TENM4: variants seen among roughly 807,000 people sequenced by gnomAD.
The protein encoded by TENM4 is teneurin-4.
In TENM4, 82 loss-of-function variants were observed where a neutral mutation model predicts 243.3. The ratio of observed to expected loss-of-function variants is 0.34; its 90% CI spans 0.28 to 0.40. The LOEUF is 0.40. Ranked by LOEUF, TENM4 falls within the 10% of genes least tolerant of loss-of-function variation. The pLI is 1.00. For missense variants in TENM4, 3,138 were observed against 3,673.3 expected, an observed-to-expected ratio of 0.85 and a Z score of 3.77; for synonymous variants, 1,412 against 1,456.3, an observed-to-expected ratio of 0.97 and a Z score of 0.69.
intron 6 of TENM4, among the ~76,000 whole-genome samples, chr11:79,062,856 G>A (rs770546381): frequency 3.9e-5 from 6 of 152,146 alleles, no homozygotes; most frequent in Admixed American, 6.5e-5. Flanking sequence ...AGTTCAGTGC[G>A]TGGTCGGGGT....
intron 6 of TENM4, among the ~76,000 whole-genome samples, chr11:79,047,779 G>A (rs1310006987): frequency 1.3e-5 from 2 of 152,098 alleles, no homozygotes; most frequent in East Asian, 3.9e-4. Context: ...TAATTTGTTT[G>A]AGCCCCTATT....
chr11:78,760,073 G>A (rs1856396603), intron 18 of TENM4, among the ~76,000 whole-genome samples: 1 of 152,076 alleles, frequency 6.6e-6, no homozygotes, highest in Non-Finnish European at 1.5e-5. Flanking sequence ...TCCGTCCCCT[G>A]ACCCCCATAC....
At chr11:79,321,507 G>T (rs1019705464) in intron 1 of TENM4, among the ~76,000 whole-genome samples, 1 of 152,188 alleles carries the variant, frequency 6.6e-6, no homozygotes, top group African/African-American at 2.4e-5. Context: ...CACAGGAAAG[G>T]GGGAGGGGGC....
intron 12 of TENM4, among the ~76,000 whole-genome samples, chr11:78,821,264 A>T (rs933342346): frequency 6.6e-6 from 1 of 152,252 alleles, no homozygotes; most frequent in Non-Finnish European, 1.5e-5. Flanking sequence ...TTTACCAATA[A>T]GACTGTGAAC....
Position 78,658,023 on chromosome 11 carries a change from A to G in TENM4, c.*35T>C, listed in dbSNP as rs1857936666. On this transcript the variant is annotated 3_prime_UTR_variant, in exon 34 of 34. Coordinates refer to ENST00000278550, the MANE Select transcript of TENM4 (RefSeq NM_001098816.3). Reference sequence around the variant, plus strand: ...GTCAGGTATGCGGCCACAAAAGAGTAGCTGTCTTTGGCAAGAAGTCCTTGG... The same window carrying G: ...GTCAGGTATGCGGCCACAAAAGAGTGGCTGTCTTTGGCAAGAAGTCCTTGG... The G allele has an allele frequency of 6.2e-7, 1 of 1,614,020 alleles. No individual in the cohort carries two copies. Among genetic ancestry groups the G allele is most frequent in the African/African-American group, 1.3e-5 (1 of 75,064 alleles).
chr11:78,774,025 T>C (rs1856694060), intron 17 of TENM4, among the ~76,000 whole-genome samples: 1 of 152,238 alleles, frequency 6.6e-6, no homozygotes, highest in South Asian at 2.1e-4. Context: ...GTTCAAATCC[T>C]AGCACCATCA....
intron 1 of TENM4, among the ~76,000 whole-genome samples, chr11:79,330,910 C>T (rs561503401): frequency 2.0e-5 from 3 of 152,154 alleles, no homozygotes; most frequent in Admixed American, 6.5e-5. Context: ...AACAGAGACA[C>T]GTGGGGTCAT....
chr11:79,326,597 C>T (rs377296766), intron 1 of TENM4, among the ~76,000 whole-genome samples: 5 of 152,198 alleles, frequency 3.3e-5, no homozygotes, highest in African/African-American at 1.2e-4. Context: ...TCCTGCTCAC[C>T]ACCAGATTCA....
chr11:79,411,565 T>C (rs766119642), intron 1 of TENM4, among the ~76,000 whole-genome samples: 4 of 152,136 alleles, frequency 2.6e-5, no homozygotes, highest in Admixed American at 2.0e-4. Flanking sequence ...CCTTCCTCTC[T>C]TCCCCCTTGT....
At chr11:78,857,892 CA>C (rs1325008165) in intron 10 of TENM4, among the ~76,000 whole-genome samples, 1 of 152,184 alleles carries the variant, frequency 6.6e-6, no homozygotes, top group Non-Finnish European at 1.5e-5. Flanking sequence ...AGTCTGCCAT[CA>C]GCTTTTAATT....
chr11:78,671,776 G>C (rs1858331522), intron 31 of TENM4, among the ~76,000 whole-genome samples: 1 of 152,198 alleles, frequency 6.6e-6, no homozygotes, highest in Non-Finnish European at 1.5e-5. Flanking sequence ...TGCAAATCCA[G>C]TGAGTATTTG....
chr11:78,810,852 C>T (rs1857483694), intron 14 of TENM4, among the ~76,000 whole-genome samples: 1 of 152,170 alleles, frequency 6.6e-6, no homozygotes, highest in Admixed American at 6.5e-5. Flanking sequence ...GAGCCTCTTC[C>T]ACCCACTGGG....
At chr11:78,792,734 C>T (rs555012912) in intron 15 of TENM4, among the ~76,000 whole-genome samples, 1 of 152,274 alleles carries the variant, frequency 6.6e-6, no homozygotes, top group South Asian at 2.1e-4. Context: ...TATCTCAGTG[C>T]CACGTTGTAC....
chr11:78,701,565 G>C lies in TENM4; in HGVS notation c.5048C>G (p.Ala1683Gly). The change falls in exon 28 of 34, where the codon GCA becomes GGA. Residue 1683 changes from alanine (A) to glycine (G), a missense_variant. Transcript: ENST00000278550. ...CCATCCGTTTTCATTGCTTTTGGTT[G>C]CCAGAAGGCCGGAATTGCCATGGTA... is the stretch of plus-strand genomic sequence containing the variant. ...MTYHGNSGLL[A>G]TKSNENGWTT... 6.3e-7 allele frequency: 1 copy of C among 1,597,508 alleles called. No individual in the cohort carries two copies. The highest frequency in any genetic ancestry group is 8.6e-7 in the Non-Finnish European group (1 of 1,166,746).
At chr11:79,048,272 C>T (rs2136927070) in intron 6 of TENM4, among the ~76,000 whole-genome samples, 1 of 152,276 alleles carries the variant, frequency 6.6e-6, no homozygotes, top group East Asian at 1.9e-4. Context: ...ACAAAAAACA[C>T]AAGAACATTG....
intron 28 of TENM4, among the ~76,000 whole-genome samples, chr11:78,691,731 C>CA (rs898238341): frequency 1.5e-4 from 23 of 151,928 alleles, no homozygotes; most frequent in Non-Finnish European, 3.1e-4. Flanking sequence ...ATGAGAGGGT[C>CA]AAAAAAACAG....
At chr11:78,837,781 G>A (rs1387267237) in intron 12 of TENM4, among the ~76,000 whole-genome samples, 1 of 152,058 alleles carries the variant, frequency 6.6e-6, no homozygotes, top group African/African-American at 2.4e-5. Flanking sequence ...TTTTCCCATA[G>A]TTCAGACTTT....
chr11:79,255,620 C>T (rs942784749), intron 2 of TENM4, among the ~76,000 whole-genome samples: 2 of 152,212 alleles, frequency 1.3e-5, no homozygotes, highest in African/African-American at 4.8e-5. Flanking sequence ...GCATTCAACA[C>T]ATTGAATAGC....
At chr11:78,858,353 G>C (rs1858729892) in intron 10 of TENM4, among the ~76,000 whole-genome samples, 1 of 86,012 alleles carries the variant, frequency 1.2e-5, no homozygotes, top group Non-Finnish European at 2.9e-5. Flanking sequence ...AAATTGTCTT[G>C]AGTGTGTATA....
Sources: allele counts gnomAD v4.1 joint callset (sites outside exome capture counted in the v4.1 genomes callset), GRCh38; gene constraint gnomAD v4.1.1; transcripts MANE v1.5; gene names NCBI Gene and HGNC (gene_info 2026-07-23, HGNC 2026-07-21).